TENM2: variants seen among roughly 807,000 people sequenced by gnomAD.
TENM2 encodes the protein teneurin-2.
In TENM2, 52 loss-of-function variants were observed where a neutral mutation model predicts 245.2. That is an observed-to-expected ratio of 0.21 (90% confidence interval 0.17 to 0.27). The LOEUF is 0.27. Among genes scored for constraint, TENM2 ranks in the 10% least tolerant of loss-of-function variants. TENM2 has a pLI of 1.00. For synonymous variants in TENM2, 1,363 were observed against 1,438.9 expected (o/e 0.95, Z 1.19); for missense variants, 3,046 against 3,666.8 (o/e 0.83, Z 4.37).
the TENM2 span, among the ~76,000 whole-genome samples, chr5:167,219,210 G>A: frequency 1.3e-5 from 2 of 152,212 alleles, no homozygotes; most frequent in South Asian, 4.1e-4. Context: ...TGAGATGGGA[G>A]GATCACTTGA....
At chr5:167,793,654 G>A (rs1387032027) in intron 2 of TENM2, among the ~76,000 whole-genome samples, 2 of 151,206 alleles carry the variant, frequency 1.3e-5, no homozygotes, top group East Asian at 2.0e-4. Flanking sequence ...GGGCAACATG[G>A]TGAAACCCCG....
the TENM2 span, among the ~76,000 whole-genome samples, chr5:167,113,579 A>AT: frequency 6.6e-6 from 1 of 151,088 alleles, no homozygotes; most frequent in East Asian, 2.0e-4. Context: ...GGAGGCTGAC[A>AT]TTGCTGTGAG....
intron 3 of TENM2, among the ~76,000 whole-genome samples, chr5:167,902,822 G>A (rs1002921630): frequency 1.1e-4 from 16 of 152,164 alleles, no homozygotes; most frequent in African/African-American, 3.6e-4. Context: ...AAAGGAGCAG[G>A]ACATTTAGGT....
chr5:167,740,678 T>C (rs1761120111), intron 2 of TENM2, among the ~76,000 whole-genome samples: 1 of 152,198 alleles, frequency 6.6e-6, no homozygotes, highest in Non-Finnish European at 1.5e-5. Context: ...CACTTTAGCC[T>C]CAGTTACTGG....
intron 12 of TENM2, among the ~76,000 whole-genome samples, chr5:168,136,433 G>A (rs1315668386): frequency 2.8e-4 from 43 of 152,066 alleles, no homozygotes; most frequent in Non-Finnish European, 6.3e-4. Flanking sequence ...ACACTTACAG[G>A]GACTCCTACA....
intron 2 of TENM2, among the ~76,000 whole-genome samples, chr5:167,595,665 T>C (rs1014601462): frequency 6.6e-6 from 1 of 152,236 alleles, no homozygotes; most frequent in African/African-American, 2.4e-5. Context: ...AATTTCAGAC[T>C]TATTTGTGTC....
At chr5:167,645,162 G>A (rs754583842) in intron 2 of TENM2, among the ~76,000 whole-genome samples, 14 of 152,288 alleles carry the variant, frequency 9.2e-5, no homozygotes, top group Middle Eastern at 3.4e-3. Flanking sequence ...GTGCATGACT[G>A]TACACTAACA....
At chr5:167,112,273 C>G in the TENM2 span, among the ~76,000 whole-genome samples, 1 of 152,136 alleles carries the variant, frequency 6.6e-6, no homozygotes, top group African/African-American at 2.4e-5. Context: ...TTTTCACACA[C>G]GGTGGTAAAT....
At chr5:168,048,784 C>T (rs1788836059) in intron 6 of TENM2, among the ~76,000 whole-genome samples, 1 of 152,120 alleles carries the variant, frequency 6.6e-6, no homozygotes, top group South Asian at 2.1e-4. Context: ...ACTTTTTTGT[C>T]TTTTTATCCA....
At chr5:168,090,741 G>A in exon 8 of TENM2, 1 of 1,613,878 alleles carries the variant, frequency 6.2e-7, no homozygotes, top group Non-Finnish European at 8.5e-7. Flanking sequence ...AAGACAAAGA[G>A]ATGGTTTCCT....
intron 8 of TENM2, among the ~76,000 whole-genome samples, chr5:168,095,813 C>A (rs944462895): frequency 6.6e-6 from 1 of 152,098 alleles, no homozygotes; most frequent in Non-Finnish European, 1.5e-5. Context: ...TCATGGATGC[C>A]ATCAGAAGAC....
rs765324848 is a variant in TENM2, at chr5:168,228,024, G to A, written c.5414G>A (p.Arg1805His). 38 of 1,613,722 alleles carry A rather than the reference G, an allele frequency of 2.4e-5. 1 individual carries two copies. Among genetic ancestry groups the A allele is most frequent in the Admixed American group, 3.3e-5 (2 of 59,990 alleles). ...GGCACCATCACCCCCACCATTGGAC[G>A]CTGCAACATCTCCCTGCCTATGGAG... Residue 1805 changes from arginine to histidine, a missense_variant, in exon 25 of 29, where the codon CGC becomes CAC. Around this residue, in one of 2 missense-constraint regions of TENM2, gnomAD observed 2,704 missense variants for 3,331.9 expected, o/e 0.81. Transcript: ENST00000518659.
chr5:168,078,523 G>A (rs1791683605), intron 7 of TENM2, among the ~76,000 whole-genome samples: 1 of 152,168 alleles, frequency 6.6e-6, no homozygotes, highest in East Asian at 1.9e-4. Flanking sequence ...GGCCTGAATG[G>A]TATTGCCTAG....
intron 1 of TENM2, among the ~76,000 whole-genome samples, chr5:167,340,702 T>C (rs557421680): frequency 1.3e-5 from 2 of 152,334 alleles, no homozygotes; most frequent in East Asian, 1.9e-4. Flanking sequence ...TTTATGAAGA[T>C]TGACTGAATG....
the TENM2 span, among the ~76,000 whole-genome samples, chr5:167,121,299 G>A: frequency 6.6e-6 from 1 of 152,076 alleles, no homozygotes; most frequent in Non-Finnish European, 1.5e-5. Flanking sequence ...GTGTGGTGAT[G>A]GGAAACAAAT....
chr5:167,927,810 C>G (rs1777877206), intron 3 of TENM2, among the ~76,000 whole-genome samples: 1 of 152,174 alleles, frequency 6.6e-6, no homozygotes, highest in Non-Finnish European at 1.5e-5. Flanking sequence ...CGCAGGACGC[C>G]ACCCTTGAGT....
At chr5:167,087,268 TG>T in the TENM2 span, among the ~76,000 whole-genome samples, 1 of 152,184 alleles carries the variant, frequency 6.6e-6, no homozygotes, top group African/African-American at 2.4e-5. Flanking sequence ...CATAGATCTT[TG>T]CATGGCCTTT....
chr5:167,781,574 A>G (rs1764190077), intron 2 of TENM2, among the ~76,000 whole-genome samples: 1 of 152,168 alleles, frequency 6.6e-6, no homozygotes, highest in South Asian at 2.1e-4. Flanking sequence ...AACAGAGGTA[A>G]TGTGACTTCG....
intron 1 of TENM2, among the ~76,000 whole-genome samples, chr5:167,356,216 A>AAAAAAAAAAAAG (rs1412322682): frequency 2.2e-5 from 3 of 134,400 alleles, no homozygotes; most frequent in African/African-American, 9.6e-5. Flanking sequence ...AAAAAAAAAA[A>AAAAAAAAAAAAG]AAAAATTAAA....
Sources: allele counts gnomAD v4.1 joint callset (sites outside exome capture counted in the v4.1 genomes callset), GRCh38; gene constraint gnomAD v4.1.1; regional missense constraint gnomAD v4.1.1; transcripts MANE v1.5; gene names NCBI Gene and HGNC (gene_info 2026-07-23, HGNC 2026-07-21).